CHRNB3: variants seen among roughly 807,000 people sequenced by gnomAD.
CHRNB3 encodes the protein cholinergic receptor nicotinic beta 3 subunit, also known as neuronal acetylcholine receptor subunit beta-3.
CHRNB3 carries 37 observed loss-of-function variants against 40.6 expected under a neutral mutation model. The ratio of observed to expected loss-of-function variants is 0.91; its 90% CI spans 0.70 to 1.20. CHRNB3 has a LOEUF of 1.20. CHRNB3 is among the 50% of genes most tolerant of loss of function. CHRNB3 has a pLI of 0.00. For missense variants in CHRNB3, 505 were observed against 551.2 expected (o/e 0.92, Z 0.84); for synonymous variants, 207 against 207.1 (o/e 1.00, Z 0.00).
At chr8:42,723,308 C>T (rs1052343474) in intron 3 of CHRNB3, among the ~76,000 whole-genome samples, 1 of 151,948 alleles carries the variant, frequency 6.6e-6, no homozygotes, top group South Asian at 2.1e-4. Flanking sequence ...CTATTAAGGC[C>T]AAACAGTTTT....
intron 4 of CHRNB3, among the ~76,000 whole-genome samples, chr8:42,731,228 T>A (rs1816412262): frequency 6.6e-6 from 1 of 152,058 alleles, no homozygotes; most frequent in African/African-American, 2.4e-5. Flanking sequence ...AAAAATTGTT[T>A]ATTAAAACAG....
chr8:42,701,985 C>A (rs1240797714), intron 1 of CHRNB3, among the ~76,000 whole-genome samples: 1 of 152,152 alleles, frequency 6.6e-6, no homozygotes, highest in Admixed American at 6.6e-5. Context: ...AAGACCAGAA[C>A]CCATGGTCTC....
intron 1 of CHRNB3, among the ~76,000 whole-genome samples, chr8:42,706,364 A>G (rs935233570): frequency 1.1e-4 from 17 of 152,106 alleles, no homozygotes; most frequent in Admixed American, 2.6e-4. Flanking sequence ...ATGGGAAACC[A>G]TCTGGAGCGC....
In CHRNB3 at chr8:42,730,640, G is replaced by C; in HGVS notation, c.296G>C (p.Gly99Ala). Residue 99 changes from glycine (G) to alanine (A), a missense_variant, in exon 4 of 6, where the codon GGG becomes GCG. By Grantham distance (60) the Gly-to-Ala change is moderately conservative (BLOSUM62 0). Coordinates refer to ENST00000289957, the MANE Select transcript of CHRNB3 (RefSeq NM_000749.5). ...KLRWNPDDYG[G>A]IHSIKVPSES... ...CGCTGGAATCCTGATGATTATGGTG[G>C]GATCCATTCCATTAAAGTTCCATCA... 6.2e-7 allele frequency: 1 copy of C among 1,609,730 alleles called. No homozygotes were observed. The highest frequency in any genetic ancestry group is 8.5e-7 in the Non-Finnish European group (1 of 1,177,408).
chr8:42,729,582 C>T (rs927277786), intron 3 of CHRNB3, among the ~76,000 whole-genome samples: 4 of 151,998 alleles, frequency 2.6e-5, no homozygotes, highest in Non-Finnish European at 4.4e-5. Context: ...TGTCAGGCAT[C>T]ATGCATATTT....
chr8:42,724,668 C>T (rs145377570), intron 3 of CHRNB3, among the ~76,000 whole-genome samples: 170 of 152,164 alleles, frequency 1.1e-3, no homozygotes, highest in Middle Eastern at 3.4e-3. Context: ...TCAGACGAGG[C>T]GGCAGCCAAT....
chr8:42,708,851 T>C lies in CHRNB3; in HGVS notation c.187T>C (p.Ser63Pro). The C allele has an allele frequency of 1.2e-6, 2 of 1,613,306 alleles. No homozygotes were observed. Among genetic ancestry groups the C allele is most frequent in the Non-Finnish European group, 1.7e-6 (2 of 1,179,630 alleles). The change falls in exon 2 of 6, where the codon TCC becomes CCC. Residue 63 changes from serine to proline, a missense_variant. Coordinates refer to ENST00000289957, the MANE Select transcript of CHRNB3 (RefSeq NM_000749.5). ...TIKVYFGLKI[S>P]QLVDVDEKNQ... ...AAAAGTATATTTTGGATTGAAAATA[T>C]CCCAGCTTGTAGATGTGGTGAGTAA...
At chr8:42,697,851 T>C (rs1815703411) in intron 1 of CHRNB3, among the ~76,000 whole-genome samples, 5 of 152,206 alleles carry the variant, frequency 3.3e-5, no homozygotes, top group African/African-American at 1.2e-4. Context: ...TGAATCACTA[T>C]GAGCTTGGTA....
At chr8:42,722,145 G>T (rs922720876) in intron 3 of CHRNB3, among the ~76,000 whole-genome samples, 1 of 151,986 alleles carries the variant, frequency 6.6e-6, no homozygotes, top group Non-Finnish European at 1.5e-5. Flanking sequence ...AAGCCGAGGC[G>T]GGTGGATCAC....
intron 3 of CHRNB3, chr8:42,726,123 A>G: frequency 1.5e-6 from 2 of 1,312,610 alleles, no homozygotes; most frequent in Non-Finnish European, 2.2e-6. Context: ...TTCTTTGCCA[A>G]AAGTGCCTGC....
chr8:42,707,250 T>C (rs1239801423), intron 1 of CHRNB3, among the ~76,000 whole-genome samples: 2 of 152,228 alleles, frequency 1.3e-5, no homozygotes, highest in African/African-American at 4.8e-5. Flanking sequence ...AGAAGCCTCC[T>C]GCACACAGGG....
At position 42,736,590 on chromosome 8, in the gene CHRNB3, T is replaced by G. The variant is rs1816528840; in HGVS notation, c.1349T>G (p.Leu450Trp). 1 of 1,614,084 alleles carries G rather than the reference T, an allele frequency of 6.2e-7. No homozygotes were observed. The highest frequency in any genetic ancestry group is 1.3e-5 in the African/African-American group (1 of 74,928). The change falls in exon 6 of 6, where the codon TTG becomes TGG. Residue 450 changes from leucine to tryptophan, a missense_variant. By Grantham distance (61) the Leu-to-Trp change is moderately conservative (BLOSUM62 -2). Coordinates refer to ENST00000289957, the MANE Select transcript of CHRNB3 (RefSeq NM_000749.5). ...TGSVLIFTPA[L>W]KMWLHSYH ...TCGGTTCTGATTTTTACCCCTGCTTTGAAGATGTGGCTACATAGTTACCAT... is the reference window on the plus strand; with the variant it reads ...TCGGTTCTGATTTTTACCCCTGCTTGGAAGATGTGGCTACATAGTTACCAT...
chr8:42,732,119 T>G lies in CHRNB3; in HGVS notation c.812T>G (p.Val271Gly). The change falls in exon 5 of 6, where the codon GTC (valine) becomes GGC (glycine). Residue 271 changes from valine (V) to glycine (G), a missense_variant. Coordinates refer to ENST00000289957, the MANE Select transcript of CHRNB3 (RefSeq NM_000749.5). ...EGEKLSLSTSVLVSLTVFLLV... is the reference protein window; with the variant it reads ...EGEKLSLSTSGLVSLTVFLLV... The stretch of plus-strand genomic sequence containing the variant: ...GAAAAACTTTCATTATCCACATCGG[T>G]CTTGGTTTCTCTGACAGTTTTCCTT... 6.2e-7 allele frequency: 1 copy of G among 1,613,352 alleles called. No homozygotes were observed. Among genetic ancestry groups the G allele is most frequent in the Non-Finnish European group, 8.5e-7 (1 of 1,179,844 alleles).
chr8:42,713,964 G>C (rs74393066), intron 3 of CHRNB3, among the ~76,000 whole-genome samples: 1 of 152,274 alleles, frequency 6.6e-6, no homozygotes, highest in Non-Finnish European at 1.5e-5. Flanking sequence ...CAGGAGAAAC[G>C]AAGCTTCACA....
intron 5 of CHRNB3, among the ~76,000 whole-genome samples, chr8:42,734,299 A>C (rs1292388005): frequency 6.6e-6 from 1 of 151,294 alleles, no homozygotes; most frequent in East Asian, 1.9e-4. Context: ...CTGTTGCCTA[A>C]AGCAAGTTAC....
chr8:42,710,217 C>CT (rs1290018612), intron 2 of CHRNB3, among the ~76,000 whole-genome samples, 173 bp from the exon 3 acceptor site: 1 of 152,062 alleles, frequency 6.6e-6, no homozygotes, highest in East Asian at 1.9e-4. Context: ...TCCTTGGGGG[C>CT]TGGGGTGTGA....
At chr8:42,734,420 AT>A (rs1296315067) in intron 5 of CHRNB3, among the ~76,000 whole-genome samples, 1,992 of 138,524 alleles carry the variant, frequency 0.014, 16 homozygotes, top group Admixed American at 0.019. Context: ...TGATGAAAGA[AT>A]TTTTTTTTTT....
chr8:42,720,110 T>C (rs1033767271), intron 3 of CHRNB3, among the ~76,000 whole-genome samples: 7 of 107,318 alleles, frequency 6.5e-5, no homozygotes, highest in Non-Finnish European at 1.3e-4. Flanking sequence ...TCAGAAGCCT[T>C]CTTTTTTTTT....
intron 3 of CHRNB3, among the ~76,000 whole-genome samples, chr8:42,724,186 G>T (rs1307245810): frequency 6.6e-6 from 1 of 152,092 alleles, no homozygotes; most frequent in African/African-American, 2.4e-5. Context: ...CACCTGGTCA[G>T]GAGTTCGAGA....
Sources: allele counts gnomAD v4.1 joint callset (sites outside exome capture counted in the v4.1 genomes callset), GRCh38; gene constraint gnomAD v4.1.1; transcripts MANE v1.5; gene names NCBI Gene and HGNC (gene_info 2026-07-23, HGNC 2026-07-21).